CLNK: variants seen among roughly 807,000 people sequenced by gnomAD.
CLNK encodes cytokine-dependent hematopoietic cell linker.
A neutral mutation model predicts 68.6 loss-of-function variants in CLNK; 74 were observed. The ratio of observed to expected loss-of-function variants is 1.08; its 90% confidence interval spans 0.89 to 1.31. The LOEUF is 1.31. Among genes scored for constraint, CLNK ranks in the 50% most tolerant of loss-of-function variants. The pLI is 0.00. For synonymous variants in CLNK, 198 were observed against 172.2 expected (o/e 1.15, Z -1.17); for missense variants, 553 against 515.3 (o/e 1.07, Z -0.71).
At chr4:10,726,149 C>T in the CLNK span, among the ~76,000 whole-genome samples, 3 of 152,090 alleles carry the variant, frequency 2.0e-5, no homozygotes, top group South Asian at 6.2e-4. Context: ...CCTAGACCCC[C>T]ACCTTTACCT....
intron 1 of CLNK, among the ~76,000 whole-genome samples, chr4:10,677,838 A>AATAATAATAATAATG (rs1224365376): frequency 1.2e-5 from 1 of 82,434 alleles, no homozygotes; most frequent in Non-Finnish European, 2.9e-5. Flanking sequence ...TAAAAATAGC[A>AATAATAATAATAATG]ATAATAATAA....
intron 8 of CLNK, among the ~76,000 whole-genome samples, chr4:10,555,726 T>G (rs948463061): frequency 6.6e-6 from 1 of 152,246 alleles, no homozygotes; most frequent in Non-Finnish European, 1.5e-5. Flanking sequence ...TTTTATTCTA[T>G]GATATTTTTG....
chr4:10,647,578 A>C (rs1177775772), intron 2 of CLNK, among the ~76,000 whole-genome samples: 2 of 152,194 alleles, frequency 1.3e-5, no homozygotes, highest in Non-Finnish European at 2.9e-5. Context: ...TGACTTGTAG[A>C]AAAAGAAGTC....
In CLNK at chr4:10,673,476, T is replaced by A. The variant is rs576954499; in HGVS notation, c.-42-5565A>T. Among the ~76,000 whole-genome samples, 408 of 152,276 alleles carry A rather than the reference T, an allele frequency of 2.7e-3. 3 individuals carry two copies. Among genetic ancestry groups the A allele is most frequent in the African/African-American group, 9.4e-3 (392 of 41,554 alleles). On this transcript the variant is annotated intron_variant, in intron 1 of 18. Coordinates refer to ENST00000226951, the MANE Select transcript of CLNK (RefSeq NM_052964.4). ...AATGTGGCACATATACACCATGGAA[T>A]ACTATGCAGCCATAAAAAAGGATGA...
the CLNK span, among the ~76,000 whole-genome samples, chr4:10,725,507 C>T: frequency 6.6e-6 from 1 of 152,010 alleles, no homozygotes; most frequent in Non-Finnish European, 1.5e-5. Context: ...AAGTGACTAC[C>T]CCCCCATAAA....
intron 2 of CLNK, among the ~76,000 whole-genome samples, chr4:10,645,899 ATT>A (rs911491327): frequency 6.6e-6 from 1 of 152,160 alleles, no homozygotes; most frequent in African/African-American, 2.4e-5. Context: ...AAATACCTTG[ATT>A]TTTTAATGGG....
At chr4:10,550,628 T>A (rs1719411735) in intron 8 of CLNK, among the ~76,000 whole-genome samples, 1 of 152,172 alleles carries the variant, frequency 6.6e-6, no homozygotes, top group Admixed American at 6.5e-5. Flanking sequence ...ACCCTATATA[T>A]CCTATGCTTT....
intron 17 of CLNK, among the ~76,000 whole-genome samples, chr4:10,506,168 A>G (rs1279539278): frequency 6.6e-6 from 1 of 152,200 alleles, no homozygotes; most frequent in Non-Finnish European, 1.5e-5. Flanking sequence ...TGGTTGTGGT[A>G]GTCATTTGAC....
At chr4:10,730,141 T>C in the CLNK span, among the ~76,000 whole-genome samples, 1 of 152,088 alleles carries the variant, frequency 6.6e-6, no homozygotes, top group Admixed American at 6.6e-5. Context: ...ATCATGAGTG[T>C]TTCTGGGCAC....
chr4:10,501,564 G>A (rs1717051433), intron 17 of CLNK, among the ~76,000 whole-genome samples, 153 bp from the exon 18 acceptor site: 1 of 152,224 alleles, frequency 6.6e-6, no homozygotes, highest in African/African-American at 2.4e-5. Flanking sequence ...CTGAGTGTCT[G>A]TATGCCTAAG....
chr4:10,499,036 C>A (rs192449343), intron 18 of CLNK, among the ~76,000 whole-genome samples: 1 of 150,376 alleles, frequency 6.6e-6, no homozygotes, highest in Non-Finnish European at 1.5e-5. Flanking sequence ...TGCCCAGGCA[C>A]GCCACAGTAC....
chr4:10,637,535 C>G (rs1723138696), intron 2 of CLNK, among the ~76,000 whole-genome samples: 1 of 142,808 alleles, frequency 7.0e-6, no homozygotes, highest in African/African-American at 2.6e-5. Context: ...CATGTATGTC[C>G]TACCTCTCCA....
intron 2 of CLNK, among the ~76,000 whole-genome samples, chr4:10,620,469 C>T (rs1034441831): frequency 6.6e-6 from 1 of 152,194 alleles, no homozygotes; most frequent in African/African-American, 2.4e-5. Context: ...CAGTAGGACT[C>T]CCTCTAACCA....
chr4:10,518,479 T>C (rs1717928315), intron 15 of CLNK, among the ~76,000 whole-genome samples: 1 of 152,174 alleles, frequency 6.6e-6, no homozygotes, highest in African/African-American at 2.4e-5. Flanking sequence ...CCATCTATTT[T>C]AAAGCAAAAA....
chr4:10,626,553 C>A (rs762455861), intron 2 of CLNK, among the ~76,000 whole-genome samples: 70 of 151,360 alleles, frequency 4.6e-4, no homozygotes, highest in Non-Finnish European at 9.1e-4. Context: ...AATTAACACA[C>A]GAGAAAATTG....
chr4:10,617,249 T>G (rs923904218), intron 2 of CLNK, among the ~76,000 whole-genome samples: 1 of 152,322 alleles, frequency 6.6e-6, no homozygotes, highest in Admixed American at 6.5e-5. Flanking sequence ...CTTAATATGC[T>G]AATGTCTTCA....
At chr4:10,525,718 C>T (rs2108878) in intron 14 of CLNK, 123 bp downstream of exon 14, 391,483 of 605,038 alleles carry the variant, frequency 0.65, 129,938 homozygotes, top group Non-Finnish European at 0.71. Flanking sequence ...TCTTGAGCCT[C>T]ATTATTGGGC....
intron 2 of CLNK, among the ~76,000 whole-genome samples, chr4:10,660,635 A>G (rs2108888489): frequency 6.6e-6 from 1 of 152,262 alleles, no homozygotes; most frequent in South Asian, 2.1e-4. Flanking sequence ...TCAGTAGGAG[A>G]TTTTGTTCAG....
chr4:10,528,453 T>G (rs1406638952), intron 12 of CLNK, among the ~76,000 whole-genome samples: 1 of 152,218 alleles, frequency 6.6e-6, no homozygotes, highest in Non-Finnish European at 1.5e-5. Context: ...ACCTGAAATC[T>G]GAGCCAAGTT....
Sources: gnomAD v4.1 joint callset for allele counts (sites outside exome capture counted in the v4.1 genomes callset) on GRCh38, gnomAD v4.1.1 for gene constraint, MANE v1.5 for transcripts, NCBI Gene and HGNC (gene_info 2026-07-23, HGNC 2026-07-21) for gene names.